PRDM7: variants seen among roughly 807,000 people sequenced by gnomAD.
The protein encoded by PRDM7 is histone-lysine N-methyltransferase PRDM7.
Under a neutral mutation model 64.3 loss-of-function variants are expected in PRDM7, and 52 were observed. That is an observed-to-expected ratio of 0.81 (90% CI 0.65 to 1.02). PRDM7 has a LOEUF of 1.02. Ranked by LOEUF, PRDM7 falls within the 50% of genes least tolerant of loss-of-function variation. The pLI, the probability that PRDM7 is intolerant of heterozygous loss-of-function variation, is 0.00. For missense variants in PRDM7, 574 were observed against 597.1 expected (o/e 0.96, Z 0.40); for synonymous variants, 192 against 210.1 (o/e 0.91, Z 0.74).
rs1434365170 is a variant in PRDM7, at chr16:90,056,985, T to C, written c.*1304A>G. ...GAGTATAAAACAATATAAAACAGTA[T>C]GAGAGGGTCTGTCTCTCTTCTCTCA... On this transcript the variant is annotated 3_prime_UTR_variant, in exon 11 of 11. Coordinates refer to ENST00000449207, the MANE Select transcript of PRDM7 (RefSeq NM_001098173.2). 1 of 152,168 alleles carries C rather than the reference T, an allele frequency of 6.6e-6. No homozygotes were observed. Among genetic ancestry groups the C allele is most frequent in the Non-Finnish European group, 1.5e-5 (1 of 68,032 alleles). The allele number at this position is 152,168 out of a possible 1,614,324, so 9.4% of individuals were successfully genotyped here.
intron 4 of PRDM7, 61 bp from the exon 5 acceptor site, chr16:90,066,971 T>G (rs2037884661): frequency 6.9e-7 from 1 of 1,443,554 alleles, no homozygotes; most frequent in East Asian, 2.4e-5. Flanking sequence ...CTAGAGATTT[T>G]TTTTTCTTTT....
In PRDM7 at chr16:90,066,861, CT is replaced by C; in HGVS notation, c.350del (p.Lys117ArgfsTer14). The C allele has an allele frequency of 6.3e-7, 1 of 1,588,356 alleles. No individual in the cohort carries two copies. Among genetic ancestry groups the C allele is most frequent in the South Asian group, 1.1e-5 (1 of 90,676 alleles). On this transcript the variant is annotated frameshift_variant and splice_region_variant, in exon 5 of 11. Transcript: ENST00000449207. LOFTEE classifies it high-confidence loss of function. ...AFRGEQSKHQ[K>X]GMPKASFNNE... ...TCAACAGGATTTGGGAGATACTTAC[CT>C]TCTGGTGTTTACTCTGTTCTCCTCT... is the stretch of plus-strand genomic sequence containing the variant.
chr16:90,057,609 T>C lies in PRDM7; in HGVS notation c.*680A>G. 2.4e-6 allele frequency: 2 copies of C among 823,906 alleles called. No homozygotes were observed. The highest frequency in any genetic ancestry group is 2.2e-5 in the South Asian group (1 of 44,864). 51.0% of individuals were successfully genotyped at this position (823,906 alleles called of 1,614,324 possible). ...GATCAGTGCGGGAAACAACCACACA[T>C]GTTGACGTCCCCCGAACACTTACAG... On this transcript the variant is annotated 3_prime_UTR_variant, in exon 11 of 11. Coordinates refer to ENST00000449207, the MANE Select transcript of PRDM7 (RefSeq NM_001098173.2).
rs766594259 is a variant in PRDM7 at position 90,075,362 on chromosome 16, A to C, written c.182T>G (p.Leu61Arg). 2.5e-6 allele frequency: 4 copies of C among 1,614,258 alleles called. No individual in the cohort carries two copies. Among genetic ancestry groups the C allele is most frequent in the Admixed American group, 1.7e-5 (1 of 60,026 alleles). Residue 61 changes from leucine (L) to arginine (R), a missense_variant, in exon 3 of 11, where the codon CTG (leucine) becomes CGG (arginine). Physicochemically the swap from Leu to Arg is moderately radical, Grantham distance 102. Coordinates refer to ENST00000449207, the MANE Select transcript of PRDM7 (RefSeq NM_001098173.2). This position sits in a 1 kb window ranked among gnomAD's most constrained non-coding sequence, Gnocchi z 4.3. ...GCACTTCCTGTTACCTACAGTAATC[A>C]GTGCATTATAGTTCATTTTCACATT... ...YRNVKMNYNA[L>R]ITVGLRATRP...
rs151289108 is a variant in PRDM7, at chr16:90,076,749, G to A, written c.-86+477C>T. ...GGATTTGGGGTTCCTCGGGATGAAA[G>A]GATTTGGGATATTTGAGGCTGAGGA... On this transcript the variant is annotated intron_variant, in intron 1 of 10. Coordinates refer to ENST00000449207, the MANE Select transcript of PRDM7 (RefSeq NM_001098173.2). Among the ~76,000 whole-genome samples, 362 of 152,162 alleles carry A rather than the reference G, an allele frequency of 2.4e-3. 2 individuals carry two copies. Among genetic ancestry groups the A allele is most frequent in the African/African-American group, 7.2e-3 (299 of 41,508 alleles).
At chr16:90,067,364 T>A (rs2037892186) in intron 4 of PRDM7, among the ~76,000 whole-genome samples, 1 of 151,222 alleles carries the variant, frequency 6.6e-6, no homozygotes, top group Non-Finnish European at 1.5e-5. Context: ...TTCTGAAGTA[T>A]CATTAAGGCC....
At chr16:90,064,611 G>A (rs1033817673) in intron 5 of PRDM7, among the ~76,000 whole-genome samples, 5 of 143,184 alleles carry the variant, frequency 3.5e-5, no homozygotes, top group East Asian at 1.9e-4. Flanking sequence ...ACGGGGTTTC[G>A]CTAGTTTGGC....
chr16:90,067,006 C>T, intron 4 of PRDM7, 96 bp from the exon 5 acceptor site: 1 of 1,097,972 alleles, frequency 9.1e-7, no homozygotes, highest in Non-Finnish European at 1.4e-6. Context: ...CCTCTGTCGC[C>T]CAGGCTGGAG....
intron 4 of PRDM7, among the ~76,000 whole-genome samples, chr16:90,070,572 G>A (rs907062519): frequency 4.6e-5 from 7 of 151,044 alleles, no homozygotes; most frequent in African/African-American, 1.7e-4. Flanking sequence ...GCAACAGAAT[G>A]AGGCTGTCTA....
chr16:90,070,884 C>CA (rs1467855576), intron 4 of PRDM7, among the ~76,000 whole-genome samples: 3 of 152,096 alleles, frequency 2.0e-5, no homozygotes, highest in Non-Finnish European at 4.4e-5. Flanking sequence ...AGACATTTCT[C>CA]AAAAGAAGAT....
intron 7 of PRDM7, 34 bp from the exon 8 acceptor site, chr16:90,062,226 G>C (rs1307530568): frequency 6.2e-7 from 1 of 1,614,246 alleles, no homozygotes; most frequent in Admixed American, 1.7e-5. Flanking sequence ...TAGGAAAGTT[G>C]TAATGCATGT....
At position 90,057,309 on chromosome 16, in the gene PRDM7, C is replaced by T. The variant is rs2037701329; in HGVS notation, c.*980G>A. 1 of 153,712 alleles carries T rather than the reference C, an allele frequency of 6.5e-6. No homozygotes were observed. The highest frequency in any genetic ancestry group is 1.4e-5 in the Non-Finnish European group (1 of 69,120). 9.5% of individuals were successfully genotyped at this position (153,712 alleles called of 1,614,324 possible). On this transcript the variant is annotated 3_prime_UTR_variant, in exon 11 of 11. Transcript: ENST00000449207. Reference sequence around the variant, plus strand: ...TCACACTTCCCAGGAGACCAGGGAGCTCTCTTTCCTGCTGCGACTCTGTAA... The same window carrying T: ...TCACACTTCCCAGGAGACCAGGGAGTTCTCTTTCCTGCTGCGACTCTGTAA...
intron 5 of PRDM7, among the ~76,000 whole-genome samples, chr16:90,065,436 A>G (rs1272144754): frequency 6.7e-6 from 1 of 149,896 alleles, no homozygotes; most frequent in Non-Finnish European, 1.5e-5. Context: ...GAAAAGAAAA[A>G]AATAATTTTT....
intron 4 of PRDM7, among the ~76,000 whole-genome samples, chr16:90,069,478 A>T (rs2151311265): frequency 6.6e-6 from 1 of 151,596 alleles, no homozygotes; most frequent in African/African-American, 2.4e-5. Flanking sequence ...CACCAAAAGC[A>T]TAAGCAATAA....
chr16:90,061,186 T>G (rs147108036), intron 9 of PRDM7, among the ~76,000 whole-genome samples: 1 of 152,342 alleles, frequency 6.6e-6, no homozygotes, highest in East Asian at 1.9e-4. Flanking sequence ...TTACATAAAT[T>G]AAAGCATGAA....
chr16:90,063,547 G>C, intron 6 of PRDM7, 65 bp downstream of exon 6: 2 of 1,575,518 alleles, frequency 1.3e-6, no homozygotes, highest in Non-Finnish European at 8.7e-7. Flanking sequence ...CACATAGGTA[G>C]ACCATACTCA....
chr16:90,062,705 G>A (rs1374141216), intron 6 of PRDM7, among the ~76,000 whole-genome samples: 1 of 152,124 alleles, frequency 6.6e-6, no homozygotes, highest in East Asian at 1.9e-4. Flanking sequence ...GTTTCTAGCT[G>A]TTCTCATTAT....
intron 8 of PRDM7, 88 bp downstream of exon 8, chr16:90,061,833 T>C: frequency 6.3e-7 from 1 of 1,575,816 alleles, no homozygotes. Context: ...TCCCTACCTA[T>C]ATCCTAACAT....
rs531268588 is a variant in PRDM7, at chr16:90,071,250, A to G, written c.301+3666T>C. 1.1e-3 allele frequency among the ~76,000 whole-genome samples: 169 copies of G among 151,724 alleles called. 1 individual carries two copies. The highest frequency in any genetic ancestry group is 1.0e-3 in the Non-Finnish European group (71 of 67,950). ...GGGTTCAAGTGATTCTTCTACCTCAACCTCCCAAGTAGCTGGTAATACAGG... is the reference window on the plus strand; with the variant it reads ...GGGTTCAAGTGATTCTTCTACCTCAGCCTCCCAAGTAGCTGGTAATACAGG... On this transcript the variant is annotated intron_variant, in intron 4 of 10. Coordinates refer to ENST00000449207, the MANE Select transcript of PRDM7 (RefSeq NM_001098173.2).
Sources: gnomAD v4.1 joint callset for allele counts (sites outside exome capture counted in the v4.1 genomes callset) on GRCh38, gnomAD v4.1.1 for gene constraint, Gnocchi (gnomAD v3.1) non-coding constraint, MANE v1.5 for transcripts, NCBI Gene and HGNC (gene_info 2026-07-23, HGNC 2026-07-21) for gene names.